The following RNF128 variants were observed in gnomAD, a reference collection of about 807,000 sequenced individuals.
RNF128 encodes E3 ubiquitin-protein ligase RNF128.
A neutral mutation model predicts 26.2 loss-of-function variants in RNF128; 13 were observed. The observed-to-expected ratio is 0.50, with a 90% confidence interval of 0.32 to 0.79. RNF128 has a LOEUF of 0.79. Ranked by LOEUF, RNF128 falls within the 30% of genes least tolerant of loss-of-function variation. The pLI is 0.03. For missense variants in RNF128, 315 were observed against 349.7 expected (o/e 0.90, Z 0.79); for synonymous variants, 149 against 142.5 (o/e 1.05, Z -0.32).
At position 106,784,447 on chromosome X, in the gene RNF128, T is replaced by C. The variant is rs138001891; in HGVS notation, c.733-618T>C. 6.0e-3 allele frequency among the ~76,000 whole-genome samples: 667 copies of C among 111,978 alleles called. 4 individuals carry two copies. Among genetic ancestry groups the C allele is most frequent in the African/African-American group, 0.021 (638 of 30,879 alleles). ...CAGACACATCTAGATATATGCTCAG[T>C]GAAACAATAAAAGGCGACCACTCTC... On this transcript the variant is annotated intron_variant, in intron 2 of 6. Coordinates refer to ENST00000255499, the MANE Select transcript of RNF128 (RefSeq NM_194463.2).
Position 106,738,220 on chromosome X carries a change from G to A in RNF128, c.484+10823G>A, listed in dbSNP as rs140258491. 7.7e-3 allele frequency among the ~76,000 whole-genome samples: 859 copies of A among 111,301 alleles called. 3 individuals are homozygous for A. The highest frequency in any genetic ancestry group is 0.011 in the Non-Finnish European group (608 of 53,007). On this transcript the variant is annotated intron_variant, in intron 1 of 6. Transcript: ENST00000255499. The stretch of plus-strand genomic sequence containing the variant: ...ATAAATATGTGATCTTGGGCAAGTT[G>A]TTAACCTAGACCTTATTTATCTTGT...
At chrX:106,718,750 G>C (rs779505813) in intron 1 of RNF128, among the ~76,000 whole-genome samples, 1 of 111,936 alleles carries the variant, frequency 8.9e-6, no homozygotes, top group East Asian at 2.8e-4. Context: ...AGGCCTGCTT[G>C]TTCCTTGCCT....
intron 1 of RNF128, among the ~76,000 whole-genome samples, chrX:106,718,777 A>C (rs1246477487): frequency 8.9e-6 from 1 of 112,067 alleles, no homozygotes; most frequent in African/African-American, 3.2e-5. Flanking sequence ...TGCTACCAAC[A>C]TAACCGTAAC....
At position 106,791,247 on chromosome X, in the gene RNF128, C is replaced by T. The variant is rs749067247; in HGVS notation, c.1153+13C>T. 1.7e-6 allele frequency: 2 copies of T among 1,199,539 alleles called. No homozygotes were observed. Among genetic ancestry groups the T allele is most frequent in the Non-Finnish European group, 2.3e-6 (2 of 887,683 alleles). ...GTGCAGTCAACAAGTAAGCATCATA[C>T]TAAAGGTTAACGAGTGCCCTGCAAT... On this transcript the variant is annotated intron_variant, in intron 6 of 6. Coordinates refer to ENST00000255499, the MANE Select transcript of RNF128 (RefSeq NM_194463.2).
intron 1 of RNF128, among the ~76,000 whole-genome samples, chrX:106,732,484 G>A (rs1057093308): frequency 1.8e-5 from 2 of 111,723 alleles, no homozygotes; most frequent in African/African-American, 3.2e-5. Flanking sequence ...TGCCAGAAGG[G>A]TCACAAGATT....
Position 106,727,219 on chromosome X carries a change from C to T in RNF128, c.306C>T (p.Phe102=), listed in dbSNP as rs1291224483. 8 of 1,209,918 alleles carry T rather than the reference C, an allele frequency of 6.6e-6. No individual in the cohort carries two copies. The highest frequency in any genetic ancestry group is 1.7e-5 in the African/African-American group (1 of 57,434). ...ALNACNPHTN[F]TVPTVWGSTV... is the part of the protein sequence containing the mutation. The stretch of plus-strand genomic sequence containing the variant: ...ACGCCTGTAACCCGCACACGAATTT[C>T]ACGGTGCCCACGGTTTGGGGAAGCA... Residue 102 remains phenylalanine (F), a synonymous_variant, in exon 1 of 7, where the codon TTC becomes TTT. Transcript: ENST00000255499.
chrX:106,735,740 A>G lies in RNF128; in HGVS notation c.484+8343A>G, dbSNP rs761622262. Among the ~76,000 whole-genome samples, 264 of 111,913 alleles carry G rather than the reference A, an allele frequency of 2.4e-3. 3 individuals carry two copies. Among genetic ancestry groups the G allele is most frequent in the African/African-American group, 8.1e-3 (251 of 30,897 alleles). On this transcript the variant is annotated intron_variant, in intron 1 of 6. Coordinates refer to ENST00000255499, the MANE Select transcript of RNF128 (RefSeq NM_194463.2). ...TAAGAATTGCTTTGGCCTTTTGAAT[A>G]TAGCTATCTAATCCATATGATAGTT...
At chrX:106,754,306 A>G (rs1929955933) in intron 1 of RNF128, among the ~76,000 whole-genome samples, 1 of 109,287 alleles carries the variant, frequency 9.2e-6, no homozygotes, top group African/African-American at 3.3e-5. Flanking sequence ...TGCAGCCTAA[A>G]CCTACCAGAC....
intron 1 of RNF128, among the ~76,000 whole-genome samples, chrX:106,745,356 A>G (rs188319477): frequency 7.1e-5 from 8 of 111,963 alleles, no homozygotes; most frequent in Non-Finnish European, 1.5e-4. Context: ...GTGATAATCC[A>G]GAATATTAAG....
chrX:106,727,331 G>T lies in RNF128; in HGVS notation c.418G>T (p.Ala140Ser). The stretch of plus-strand genomic sequence containing the variant: ...GATCCATCTGGCTTATGAGAGAGGG[G>T]CGTCTGGAGCCGTCATCTTTAACTT... ...DKIHLAYERG[A>S]SGAVIFNFPG... The change falls in exon 1 of 7, where the codon GCG (alanine) becomes TCG (serine). Residue 140 changes from alanine to serine, a missense_variant. By Grantham distance (99) the Ala-to-Ser change is moderately conservative (BLOSUM62 1). Coordinates refer to ENST00000255499, the MANE Select transcript of RNF128 (RefSeq NM_194463.2). 2.5e-6 allele frequency: 3 copies of T among 1,211,593 alleles called. No homozygotes were observed. Among genetic ancestry groups the T allele is most frequent in the South Asian group, 1.8e-5 (1 of 56,966 alleles).
intron 1 of RNF128, among the ~76,000 whole-genome samples, chrX:106,752,964 G>A (rs771893227): frequency 1.8e-5 from 2 of 111,126 alleles, no homozygotes; most frequent in Non-Finnish European, 3.8e-5. Flanking sequence ...TGATCAAGCA[G>A]AAGAAAAAAG....
In RNF128 at chrX:106,786,814, A is replaced by T. The variant is rs182888880; in HGVS notation, c.805-1104A>T. ...AGCAAAACAGACAATTCACCAAAAAAATATATATATGAATGGCAAATAAAC... is the reference window on the plus strand; with the variant it reads ...AGCAAAACAGACAATTCACCAAAAATATATATATATGAATGGCAAATAAAC... On this transcript the variant is annotated intron_variant, in intron 3 of 6. Transcript: ENST00000255499. 3.4e-3 allele frequency among the ~76,000 whole-genome samples: 382 copies of T among 111,440 alleles called. 2 individuals carry two copies. The highest frequency in any genetic ancestry group is 4.8e-3 in the Non-Finnish European group (255 of 52,861).
At chrX:106,701,682 G>A (rs188311234) in intron 1 of RNF128, among the ~76,000 whole-genome samples, 8 of 111,640 alleles carry the variant, frequency 7.2e-5, no homozygotes, top group African/African-American at 2.6e-4. Flanking sequence ...ATTTCATTGT[G>A]ACTCCGAGTT....
At chrX:106,732,992 AGGAACAATATTTGGG>A (rs1311638678) in intron 1 of RNF128, among the ~76,000 whole-genome samples, 2 of 111,400 alleles carry the variant, frequency 1.8e-5, no homozygotes, top group Admixed American at 9.5e-5. Flanking sequence ...CCAACTGAGG[AGGAACAATATTTGGG>A]GGAAAAGAAG....
intron 1 of RNF128, among the ~76,000 whole-genome samples, chrX:106,705,400 G>C (rs1239328138): frequency 8.9e-6 from 1 of 112,081 alleles, no homozygotes; most frequent in Non-Finnish European, 1.9e-5. Flanking sequence ...GTAAAAACTG[G>C]TAGAAACTTA....
At chrX:106,703,981 T>G (rs1052063657) in intron 1 of RNF128, among the ~76,000 whole-genome samples, 15 of 109,427 alleles carry the variant, frequency 1.4e-4, no homozygotes, top group Non-Finnish European at 2.3e-4. Flanking sequence ...ATGGAAAGAT[T>G]TGAGGGTGAA....
chrX:106,784,342 C>T (rs1930614444), intron 2 of RNF128, among the ~76,000 whole-genome samples: 1 of 111,320 alleles, frequency 9.0e-6, no homozygotes, highest in Non-Finnish European at 1.9e-5. Flanking sequence ...TCCCACACCC[C>T]AACTTCACTT....
intron 1 of RNF128, among the ~76,000 whole-genome samples, chrX:106,714,627 A>G (rs1460501979): frequency 1.8e-5 from 2 of 111,794 alleles, no homozygotes; most frequent in Non-Finnish European, 3.8e-5. Flanking sequence ...TCATGTGACT[A>G]TCACCACAGT....
chrX:106,752,872 A>T (rs189958395), intron 1 of RNF128, among the ~76,000 whole-genome samples: 54 of 111,592 alleles, frequency 4.8e-4, no homozygotes, highest in Admixed American at 1.7e-3. Flanking sequence ...GAAATACTTT[A>T]AAAAAATCAA....
Sources: allele counts gnomAD v4.1 joint callset (sites outside exome capture counted in the v4.1 genomes callset), GRCh38; gene constraint gnomAD v4.1.1; transcripts MANE v1.5; gene names NCBI Gene and HGNC (gene_info 2026-07-23, HGNC 2026-07-21).